MAP7: variants seen among roughly 807,000 people sequenced by gnomAD.
The protein encoded by MAP7 is ensconsin.
Under a neutral mutation model 94.8 loss-of-function variants are expected in MAP7, and 52 were observed. The ratio of observed to expected loss-of-function variants is 0.55; its 90% CI spans 0.44 to 0.69. The LOEUF is 0.69. MAP7 is among the 30% of genes least tolerant of loss of function. The pLI is 0.00. For missense variants in MAP7, 940 were observed against 964.6 expected, an observed-to-expected ratio of 0.97 and a Z score of 0.34; for synonymous variants, 350 against 357.0, an observed-to-expected ratio of 0.98 and a Z score of 0.22.
At chr6:136,439,178 T>C (rs1202574292) in intron 1 of MAP7, among the ~76,000 whole-genome samples, 2 of 152,112 alleles carry the variant, frequency 1.3e-5, no homozygotes, top group Admixed American at 6.5e-5. Context: ...TATGACCCAA[T>C]GTGATAGTGC....
chr6:136,500,686 C>G (rs1441120227), intron 1 of MAP7, among the ~76,000 whole-genome samples: 1 of 152,186 alleles, frequency 6.6e-6, no homozygotes. Context: ...TGGGAAAAAG[C>G]AAACTTCTAA....
chr6:136,387,726 A>C (rs532693827), intron 5 of MAP7, among the ~76,000 whole-genome samples: 1 of 152,160 alleles, frequency 6.6e-6, no homozygotes, highest in African/African-American at 2.4e-5. Context: ...AATGTAAAAC[A>C]ATGATTTTTC....
intron 1 of MAP7, chr6:136,525,886 T>C: frequency 6.5e-7 from 1 of 1,535,908 alleles, no homozygotes; most frequent in Non-Finnish European, 8.7e-7. Flanking sequence ...TCATTAATGG[T>C]GAATAAACCA....
At chr6:136,451,009 C>G (rs750520244) in intron 1 of MAP7, among the ~76,000 whole-genome samples, 3 of 152,086 alleles carry the variant, frequency 2.0e-5, no homozygotes, top group Non-Finnish European at 2.9e-5. Flanking sequence ...AAACATAAAG[C>G]AAGTTACCCT....
At chr6:136,477,195 T>C (rs1024671891) in intron 1 of MAP7, among the ~76,000 whole-genome samples, 6 of 152,176 alleles carry the variant, frequency 3.9e-5, no homozygotes, top group Non-Finnish European at 4.4e-5. Context: ...ATGTGCCTCC[T>C]GATACGATAC....
At chr6:136,497,056 G>A (rs1818469588) in intron 1 of MAP7, among the ~76,000 whole-genome samples, 1 of 151,834 alleles carries the variant, frequency 6.6e-6, no homozygotes, top group East Asian at 1.9e-4. Flanking sequence ...TATTTCCCTG[G>A]GCCAGAGTTT....
At chr6:136,362,053 T>C (rs140524500) in intron 11 of MAP7, among the ~76,000 whole-genome samples, 1 of 152,172 alleles carries the variant, frequency 6.6e-6, no homozygotes, top group Admixed American at 6.5e-5. Context: ...ACACTATTAC[T>C]GAAAATTGGT....
chr6:136,365,899 C>T lies in MAP7; in HGVS notation c.1109G>A (p.Arg370His), dbSNP rs764720646. The change falls in exon 10 of 18, where the codon CGC (arginine) becomes CAC (histidine). Residue 370 changes from arginine (R) to histidine (H), a missense_variant. Physicochemically the swap from Arg to His is conservative, Grantham distance 29 (BLOSUM62 0). Transcript: ENST00000354570. ...QVRPPSPGNI[R>H]PVKREVKVEP... ...CACTTTGACTTCCCTCTTGACAGGG[C>T]GGATGTTGCCGGGGGATGGGGGCCG... 7.4e-6 allele frequency: 12 copies of T among 1,614,006 alleles called. No individual in the cohort carries two copies. The highest frequency in any genetic ancestry group is 4.5e-5 in the East Asian group (2 of 44,868).
At chr6:136,429,305 A>G (rs182849472) in intron 1 of MAP7, among the ~76,000 whole-genome samples, 167 of 152,290 alleles carry the variant, frequency 1.1e-3, no homozygotes, top group Middle Eastern at 6.8e-3. Flanking sequence ...TGCAAACACA[A>G]CAGAATACAG....
intron 1 of MAP7, among the ~76,000 whole-genome samples, chr6:136,535,659 T>G (rs1055486143): frequency 6.6e-6 from 1 of 152,048 alleles, no homozygotes; most frequent in Non-Finnish European, 1.5e-5. Flanking sequence ...TTAAGCTAAA[T>G]TATAAAGATA....
In MAP7 at chr6:136,365,847, C is replaced by T. The variant is rs756424296; in HGVS notation, c.1161G>A (p.Lys387=). Residue 387 remains lysine, a synonymous_variant, in exon 10 of 18, where the codon AAG becomes AAA. Coordinates refer to ENST00000354570, the MANE Select transcript of MAP7 (RefSeq NM_003980.6). ...KVEPEKKDPE[K]EPQKVANEPS... is the part of the protein sequence containing the mutation. ...GCTCATTGGCAACTTTCTGAGGTTC[C>T]TTCTCAGGATCTTTCTTCTCAGGCT... 1 of 1,614,146 alleles carries T rather than the reference C, an allele frequency of 6.2e-7. No homozygotes were observed. The highest frequency in any genetic ancestry group is 1.7e-5 in the Admixed American group (1 of 60,026).
intron 3 of MAP7, among the ~76,000 whole-genome samples, chr6:136,398,456 G>A (rs1012760865): frequency 2.4e-4 from 36 of 152,180 alleles, no homozygotes; most frequent in Non-Finnish European, 2.1e-4. Context: ...AGAGTGATAT[G>A]GTTTGGCTCT....
intron 1 of MAP7, among the ~76,000 whole-genome samples, chr6:136,547,790 C>T (rs565171052): frequency 8.5e-5 from 13 of 152,212 alleles, no homozygotes; most frequent in South Asian, 2.1e-4. Context: ...ATAGGCCACA[C>T]GCCACCACTG....
chr6:136,489,135 A>C (rs1815697201), intron 1 of MAP7, among the ~76,000 whole-genome samples: 1 of 151,998 alleles, frequency 6.6e-6, no homozygotes. Flanking sequence ...ATTTCAAATA[A>C]GGACATATCT....
intron 3 of MAP7, among the ~76,000 whole-genome samples, chr6:136,408,555 T>C (rs1473738433): frequency 2.6e-5 from 4 of 152,206 alleles, no homozygotes; most frequent in African/African-American, 9.6e-5. Context: ...CAATGTTATT[T>C]TCAACCTACA....
chr6:136,424,050 G>C (rs980449568), intron 1 of MAP7, among the ~76,000 whole-genome samples: 2 of 151,686 alleles, frequency 1.3e-5, no homozygotes, highest in African/African-American at 4.8e-5. Flanking sequence ...TGCCTGCCTC[G>C]GCCTCCCAAA....
At chr6:136,414,010 G>A (rs2128747684) in intron 2 of MAP7, among the ~76,000 whole-genome samples, 1 of 152,124 alleles carries the variant, frequency 6.6e-6, no homozygotes, top group South Asian at 2.1e-4. Flanking sequence ...AGCACTTTGG[G>A]AGGCCGAGGC....
intron 1 of MAP7, among the ~76,000 whole-genome samples, chr6:136,453,446 C>T (rs1376664307): frequency 7.2e-5 from 11 of 152,196 alleles, no homozygotes; most frequent in African/African-American, 7.2e-5. Flanking sequence ...CTAACAGTGA[C>T]AGTCTTTAAA....
intron 1 of MAP7, among the ~76,000 whole-genome samples, chr6:136,468,191 A>AC (rs747757082): frequency 8.6e-5 from 13 of 152,044 alleles, no homozygotes; most frequent in African/African-American, 1.4e-4. Context: ...GGTACTACTG[A>AC]CTTTTTTTTT....
Sources: allele counts gnomAD v4.1 joint callset (sites outside exome capture counted in the v4.1 genomes callset), GRCh38; gene constraint gnomAD v4.1.1; transcripts MANE v1.5; gene names NCBI Gene and HGNC (gene_info 2026-07-23, HGNC 2026-07-21).